MSH3: variants seen among roughly 807,000 people sequenced by gnomAD.
MSH3 encodes the protein mutS homolog 3.
MSH3 carries 106 observed loss-of-function variants against 123.3 expected under a neutral mutation model. The observed-to-expected ratio is 0.86, with a 90% CI of 0.73 to 1.01. The LOEUF (loss-of-function observed/expected upper bound fraction) is 1.01. Ranked by LOEUF, MSH3 falls within the 50% of genes least tolerant of loss-of-function variation. The pLI, the probability that MSH3 is intolerant of heterozygous loss-of-function variation, is 0.00. For missense variants in MSH3, 1,459 were observed against 1,347.6 expected, an observed-to-expected ratio of 1.08 and a Z score of -1.29; for synonymous variants, 515 against 481.4, an observed-to-expected ratio of 1.07 and a Z score of -0.91.
intron 19 of MSH3, among the ~76,000 whole-genome samples, chr5:80,801,562 A>AG (rs1744791030): frequency 6.6e-6 from 1 of 152,186 alleles, no homozygotes; most frequent in African/African-American, 2.4e-5. Context: ...ATCCTGGGGC[A>AG]GGGGTGGTGG....
chr5:80,660,687 CTT>C (rs1749414315), intron 2 of MSH3, among the ~76,000 whole-genome samples: 1 of 152,188 alleles, frequency 6.6e-6, no homozygotes, highest in African/African-American at 2.4e-5. Flanking sequence ...AGAGGGTTGT[CTT>C]TTTCTCTGGT....
At chr5:80,777,482 C>G (rs1007883466) in intron 16 of MSH3, among the ~76,000 whole-genome samples, 2 of 152,100 alleles carry the variant, frequency 1.3e-5, no homozygotes, top group Non-Finnish European at 2.9e-5. Context: ...TGAAATATCT[C>G]CCTAAATGAG....
intron 12 of MSH3, among the ~76,000 whole-genome samples, chr5:80,744,860 G>A (rs780386158): frequency 4.6e-5 from 7 of 152,020 alleles, no homozygotes; most frequent in Admixed American, 1.3e-4. Context: ...GAGGATAGAT[G>A]CCTTTTGTGG....
chr5:80,739,508 G>A (rs752321983), intron 10 of MSH3, among the ~76,000 whole-genome samples: 3 of 152,202 alleles, frequency 2.0e-5, no homozygotes, highest in Non-Finnish European at 4.4e-5. Context: ...TGTACAGGTG[G>A]TACAAAATGA....
chr5:80,666,161 G>C (rs1749563514), intron 3 of MSH3, among the ~76,000 whole-genome samples: 1 of 152,162 alleles, frequency 6.6e-6, no homozygotes, highest in African/African-American at 2.4e-5. Context: ...CTGGTCTCAA[G>C]CAATCCTCCC....
intron 19 of MSH3, among the ~76,000 whole-genome samples, chr5:80,805,286 G>C (rs975002608): frequency 2.0e-5 from 3 of 152,152 alleles, no homozygotes; most frequent in East Asian, 3.9e-4. Flanking sequence ...ATGTGGGTTG[G>C]GAAACAAACA....
At chr5:80,683,061 T>C (rs1750009005) in intron 8 of MSH3, among the ~76,000 whole-genome samples, 1 of 152,236 alleles carries the variant, frequency 6.6e-6, no homozygotes, top group Non-Finnish European at 1.5e-5. Flanking sequence ...GGCAGAATGC[T>C]ACTCCATTGT....
chr5:80,837,559 CAG>C (rs1200740167), intron 20 of MSH3, among the ~76,000 whole-genome samples: 1 of 148,786 alleles, frequency 6.7e-6, no homozygotes, highest in African/African-American at 2.5e-5. Flanking sequence ...GCCTGCGTAA[CAG>C]AGCCAGACCT....
At position 80,654,932 on chromosome 5, in the gene MSH3, C is replaced by CCCGCCTTCCCGCCCCAGCTG. The variant is rs1749219575; in HGVS notation, c.211_230dup (p.His78SerfsTer9). 14 of 1,435,972 alleles carry CCCGCCTTCCCGCCCCAGCTG rather than the reference C, an allele frequency of 9.7e-6. No homozygotes were observed. The highest frequency in any genetic ancestry group is 1.3e-5 in the South Asian group (1 of 77,046). 89.0% of individuals were successfully genotyped at this position (1,435,972 alleles called of 1,614,324 possible). ...CGCAGCGCCCCCAGCGCCCCCAGCT[C>CCCGCCTTCCCGCCCCAGCTG]CCGCCTTCCCGCCCCAGCTGCCGCC... On this transcript the variant is annotated frameshift_variant, in exon 1 of 24. Transcript: ENST00000265081. LOFTEE classifies it high-confidence loss of function.
chr5:80,864,943 G>A lies in MSH3; in HGVS notation c.3130+1G>A, dbSNP rs2112118578. 1.2e-6 allele frequency: 2 copies of A among 1,613,778 alleles called. No homozygotes were observed. Among genetic ancestry groups the A allele is most frequent in the Non-Finnish European group, 1.7e-6 (2 of 1,179,768 alleles). The stretch of plus-strand genomic sequence containing the variant: ...GAGGATGAAAGCAAACTGGATCCAG[G>A]TATGAAATATTCCTGCAGTTGGTAC... On this transcript the variant is annotated splice_donor_variant, in intron 22 of 23. Transcript: ENST00000265081. LOFTEE classifies it high-confidence loss of function.
chr5:80,864,358 A>G (rs1342968699), intron 21 of MSH3, among the ~76,000 whole-genome samples: 1 of 152,210 alleles, frequency 6.6e-6, no homozygotes, highest in Non-Finnish European at 1.5e-5. Flanking sequence ...AGGATACTTG[A>G]TACTTCAAAA....
intron 8 of MSH3, among the ~76,000 whole-genome samples, chr5:80,685,288 C>G (rs1387337136): frequency 7.0e-6 from 1 of 142,878 alleles, no homozygotes; most frequent in Admixed American, 7.5e-5. Context: ...AGCAGTGAAG[C>G]TATTGGGTCC....
intron 8 of MSH3, among the ~76,000 whole-genome samples, chr5:80,714,091 T>C (rs894503575): frequency 6.6e-6 from 1 of 151,072 alleles, no homozygotes; most frequent in Admixed American, 6.6e-5. Flanking sequence ...GACAGAATTC[T>C]GGTAGGATGC....
intron 8 of MSH3, among the ~76,000 whole-genome samples, chr5:80,717,049 G>C (rs1048724073): frequency 3.9e-5 from 6 of 152,084 alleles, no homozygotes; most frequent in African/African-American, 7.2e-5. Context: ...CATTTTTTGG[G>C]GGGGGCTGAA....
chr5:80,745,838 A>G lies in MSH3; in HGVS notation c.1763+1223A>G, dbSNP rs934503050. 9.2e-5 allele frequency among the ~76,000 whole-genome samples: 14 copies of G among 152,248 alleles called. 1 individual carries two copies. Among genetic ancestry groups the G allele is most frequent in the African/African-American group, 3.4e-4 (14 of 41,466 alleles). ...AAACTGCACAGCAGCCTCACTAAGC[A>G]GATGCTGTTATTAGCCCTGTGTTAC... On this transcript the variant is annotated intron_variant, in intron 12 of 23. Transcript: ENST00000265081.
intron 20 of MSH3, among the ~76,000 whole-genome samples, chr5:80,833,337 A>C (rs1229932203): frequency 6.6e-6 from 1 of 152,212 alleles, no homozygotes; most frequent in East Asian, 1.9e-4. Context: ...ATAATAACAT[A>C]TGCTGTGGAA....
chr5:80,737,497 G>A lies in MSH3; in HGVS notation c.1569-3967G>A, dbSNP rs576127479. On this transcript the variant is annotated intron_variant, in intron 10 of 23. Transcript: ENST00000265081. ...CCCATGTTATATATAAGATTTCTATGCAGGTTCACAAAGCATGAATTCTAG... is the reference window on the plus strand; with the variant it reads ...CCCATGTTATATATAAGATTTCTATACAGGTTCACAAAGCATGAATTCTAG... Among the ~76,000 whole-genome samples the A allele has an allele frequency of 1.3e-3, 197 of 152,262 alleles. 1 individual carries two copies. The highest frequency in any genetic ancestry group is 2.3e-3 in the South Asian group (11 of 4,824).
chr5:80,796,941 T>A (rs2112031787), intron 19 of MSH3, among the ~76,000 whole-genome samples: 1 of 152,268 alleles, frequency 6.6e-6, no homozygotes, highest in South Asian at 2.1e-4. Flanking sequence ...AATTCATACT[T>A]CACACTCCAG....
At chr5:80,872,426 G>A (rs1011978867) in intron 22 of MSH3, among the ~76,000 whole-genome samples, 2 of 152,136 alleles carry the variant, frequency 1.3e-5, no homozygotes, top group Admixed American at 1.3e-4. Context: ...CTGAGATTGC[G>A]CCACTGCACT....
Sources: gnomAD v4.1 joint callset for allele counts (sites outside exome capture counted in the v4.1 genomes callset) on GRCh38, gnomAD v4.1.1 for gene constraint, MANE v1.5 for transcripts, NCBI Gene and HGNC (gene_info 2026-07-23, HGNC 2026-07-21) for gene names.